Variants in FRMD5 observed in about 807,000 individuals in gnomAD.
The protein encoded by FRMD5 is FERM domain-containing protein 5.
FRMD5 carries 20 observed loss-of-function variants against 69.0 expected under a neutral mutation model. The observed-to-expected ratio is 0.29, with a 90% CI of 0.20 to 0.42. FRMD5 has a LOEUF of 0.42. Ranked by LOEUF, FRMD5 falls within the 10% of genes least tolerant of loss-of-function variation. The probability of loss-of-function intolerance (pLI) is 1.00; values close to 1 mark genes in which losing one functional copy is unlikely to be tolerated. For synonymous variants in FRMD5, 271 were observed against 260.1 expected, an observed-to-expected ratio of 1.04 and a Z score of -0.40; for missense variants, 595 against 708.6, an observed-to-expected ratio of 0.84 and a Z score of 1.82.
intron 7 of FRMD5, 96 bp downstream of exon 7, chr15:43,902,079 G>T: frequency 7.0e-6 from 6 of 854,174 alleles, no homozygotes; most frequent in Non-Finnish European, 1.2e-5. Flanking sequence ...CCATGTAAAC[G>T]TTGAAGGGGG....
chr15:44,046,628 A>AT (rs972719711), intron 1 of FRMD5, among the ~76,000 whole-genome samples: 2 of 152,236 alleles, frequency 1.3e-5, no homozygotes, highest in East Asian at 3.9e-4. Context: ...TCTGACACAC[A>AT]TTTTTTTGGC....
At chr15:44,185,231 T>C (rs1468740703) in intron 1 of FRMD5, among the ~76,000 whole-genome samples, 1 of 152,192 alleles carries the variant, frequency 6.6e-6, no homozygotes, top group Non-Finnish European at 1.5e-5. Flanking sequence ...AAGCTGGGCA[T>C]AGTTTGAAGA....
chr15:43,919,832 T>C (rs1345991002), intron 2 of FRMD5, 23 bp from the exon 3 acceptor site: 1 of 1,610,038 alleles, frequency 6.2e-7, no homozygotes, highest in Admixed American at 1.7e-5. Context: ...ACACAGAACA[T>C]GAAAACCCTA....
intron 1 of FRMD5, among the ~76,000 whole-genome samples, chr15:43,931,383 CTCTCTCTCTTCTCTT>C (rs1035624361): frequency 2.0e-5 from 3 of 152,046 alleles, no homozygotes; most frequent in African/African-American, 7.2e-5. Flanking sequence ...CTCTGTCTCT[CTCTCTCTCTTCTCTT>C]TCTCTCTCAC....
At chr15:43,959,410 T>C (rs2090162557) in intron 1 of FRMD5, among the ~76,000 whole-genome samples, 1 of 152,234 alleles carries the variant, frequency 6.6e-6, no homozygotes, top group African/African-American at 2.4e-5. Context: ...CAAATGGATC[T>C]GAGGTAGTGT....
At chr15:43,926,659 G>A (rs2089591279) in intron 1 of FRMD5, among the ~76,000 whole-genome samples, 1 of 152,014 alleles carries the variant, frequency 6.6e-6, no homozygotes, top group Non-Finnish European at 1.5e-5. Context: ...AAGAATAGGT[G>A]AGTAGACAGC....
chr15:43,906,767 G>A (rs560376), intron 5 of FRMD5, among the ~76,000 whole-genome samples: 14,702 of 117,422 alleles, frequency 0.13, 3,175 homozygotes, highest in African/African-American at 0.5. Context: ...TCGCCCGGCT[G>A]ATTTTTTGTA....
chr15:44,157,872 T>C (rs774736663), intron 1 of FRMD5, among the ~76,000 whole-genome samples: 18 of 152,138 alleles, frequency 1.2e-4, no homozygotes, highest in Non-Finnish European at 2.2e-4. Flanking sequence ...TCAAGGACCC[T>C]TCAAATTATG....
At chr15:43,952,186 C>T (rs114727768) in intron 1 of FRMD5, among the ~76,000 whole-genome samples, 2,643 of 152,160 alleles carry the variant, frequency 0.017, 67 homozygotes, top group African/African-American at 0.053. Flanking sequence ...CTGGACCTGC[C>T]TCATAATGAT....
intron 1 of FRMD5, among the ~76,000 whole-genome samples, chr15:44,108,587 G>T (rs2076752837): frequency 6.6e-6 from 1 of 152,186 alleles, no homozygotes; most frequent in Non-Finnish European, 1.5e-5. Context: ...AGAGTTTGTA[G>T]TGAGCCGAGA....
intron 1 of FRMD5, among the ~76,000 whole-genome samples, chr15:43,964,492 C>G (rs888416748): frequency 3.4e-5 from 4 of 117,344 alleles, no homozygotes; most frequent in Admixed American, 7.9e-5. Flanking sequence ...AACAAACAAA[C>G]AAACAAACAA....
intron 1 of FRMD5, among the ~76,000 whole-genome samples, chr15:44,074,138 A>G (rs143830610): frequency 5.9e-5 from 9 of 152,318 alleles, no homozygotes; most frequent in African/African-American, 2.2e-4. Flanking sequence ...CTGAAGCATT[A>G]CCATGTTTAT....
At chr15:44,113,339 G>GA (rs1242316759) in intron 1 of FRMD5, among the ~76,000 whole-genome samples, 6 of 152,322 alleles carry the variant, frequency 3.9e-5, no homozygotes, top group African/African-American at 1.4e-4. Flanking sequence ...TTTGAAGTCA[G>GA]AAAATCTCAC....
intron 1 of FRMD5, among the ~76,000 whole-genome samples, chr15:44,147,720 T>C (rs1021587907): frequency 6.6e-6 from 1 of 152,136 alleles, no homozygotes; most frequent in African/African-American, 2.4e-5. Flanking sequence ...GATGTAACTA[T>C]TTTGGAACTC....
At chr15:43,953,401 G>A (rs1285845977) in intron 1 of FRMD5, among the ~76,000 whole-genome samples, 1 of 152,154 alleles carries the variant, frequency 6.6e-6, no homozygotes. Flanking sequence ...ATGGGTGGGA[G>A]AGGGAGCAGA....
chr15:44,077,730 C>T (rs2140434752), intron 1 of FRMD5, among the ~76,000 whole-genome samples: 1 of 152,100 alleles, frequency 6.6e-6, no homozygotes, highest in Non-Finnish European at 1.5e-5. Context: ...AGAAAAGTTC[C>T]TTCAAATACT....
At chr15:44,157,469 C>A (rs1277641978) in intron 1 of FRMD5, among the ~76,000 whole-genome samples, 1 of 152,174 alleles carries the variant, frequency 6.6e-6, no homozygotes, top group Non-Finnish European at 1.5e-5. Flanking sequence ...TAGTATCCTA[C>A]AGGTAGTAGT....
In FRMD5 at chr15:44,113,086, G is replaced by A. The variant is rs1162083467; in HGVS notation, c.102+81867C>T. Among the ~76,000 whole-genome samples, 11 of 152,176 alleles carry A rather than the reference G, an allele frequency of 7.2e-5. No individual in the cohort carries two copies. In the East Asian group the frequency reaches 1.7e-3, roughly 24 times the overall value. ...CCCTTCTATCTGCAGCTGTCCCAGA[G>A]AAGATCAAAGGGTACCAAACTTGCA... On this transcript the variant is annotated intron_variant, in intron 1 of 13. Transcript: ENST00000417257.
At chr15:44,174,306 T>C (rs1357109868) in intron 1 of FRMD5, among the ~76,000 whole-genome samples, 1 of 152,230 alleles carries the variant, frequency 6.6e-6, no homozygotes, top group Non-Finnish European at 1.5e-5. Flanking sequence ...CTAACCATTA[T>C]GATTGCATCT....
Sources: gnomAD v4.1 joint callset for allele counts (sites outside exome capture counted in the v4.1 genomes callset) on GRCh38, gnomAD v4.1.1 for gene constraint, MANE v1.5 for transcripts, NCBI Gene and HGNC (gene_info 2026-07-23, HGNC 2026-07-21) for gene names.